Variants in DIS3L2 observed in about 807,000 individuals in gnomAD.
The protein encoded by DIS3L2 is DIS3 like 3'-5' exoribonuclease 2.
A neutral mutation model predicts 97.5 loss-of-function variants in DIS3L2; 34 were observed. The ratio of observed to expected loss-of-function variants is 0.35; its 90% CI spans 0.27 to 0.46. DIS3L2 has a LOEUF of 0.46. DIS3L2 is among the 20% of genes least tolerant of loss of function. The pLI, the probability that DIS3L2 is intolerant of heterozygous loss-of-function variation, is 1.00. For missense variants in DIS3L2, 1,038 were observed against 1,146.0 expected (o/e 0.91, Z 1.36); for synonymous variants, 435 against 445.2 (o/e 0.98, Z 0.29).
intron 6 of DIS3L2, 151 bp downstream of exon 6, chr2:232,087,872 A>G: frequency 3.2e-6 from 2 of 631,562 alleles, no homozygotes; most frequent in Non-Finnish European, 5.5e-6. Flanking sequence ...GATCTTTGAC[A>G]GGTTTAGCTG....
intron 5 of DIS3L2, among the ~76,000 whole-genome samples, chr2:232,033,058 A>G (rs1172397802): frequency 1.3e-5 from 2 of 152,172 alleles, no homozygotes; most frequent in African/African-American, 2.4e-5. Context: ...AATAGCATTG[A>G]ATCTAAATTA....
chr2:232,135,191 C>T (rs1026864279), intron 7 of DIS3L2, among the ~76,000 whole-genome samples: 1 of 152,118 alleles, frequency 6.6e-6, no homozygotes, highest in Non-Finnish European at 1.5e-5. Flanking sequence ...CTAAGTTACT[C>T]ACCTGGATGG....
rs79699885 is a variant in DIS3L2 at position 232,125,646 on chromosome 2, A to G, written c.602-4973A>G. Among the ~76,000 whole-genome samples the G allele has an allele frequency of 2.8e-3, 431 of 152,344 alleles. 1 individual carries two copies. The highest frequency in any genetic ancestry group is 4.7e-3 in the Non-Finnish European group (319 of 68,030). ...GGCATCATACATTTTCATTAGCTCT[A>G]TATCAGAGTGAAATTTGCTTAGGCC... On this transcript the variant is annotated intron_variant, in intron 6 of 20. Transcript: ENST00000325385.
chr2:232,341,029 A>G, downstream of DIS3L2: 1 of 440,926 alleles, frequency 2.3e-6, no homozygotes, highest in South Asian at 1.7e-5. Context: ...AAGTTCCTAG[A>G]GAGCAAAACA....
rs1216643186 is a variant in DIS3L2, at chr2:232,249,266, T to G, written c.1345T>G (p.Cys449Gly). 2 of 1,614,064 alleles carry G rather than the reference T, an allele frequency of 1.2e-6. No homozygotes were observed. Among genetic ancestry groups the G allele is most frequent in the African/African-American group, 2.7e-5 (2 of 74,942 alleles). The change falls in exon 12 of 21, where the codon TGT (cysteine) becomes GGT (glycine). Residue 449 changes from cysteine to glycine, a missense_variant. Coordinates refer to ENST00000325385, the MANE Select transcript of DIS3L2 (RefSeq NM_152383.5). Reference sequence around the variant, plus strand: ...GGTCCCCATGCTTCCCAGGCTGCTGTGTGAGGAGCTGTGCAGCCTCAACCC... The same window carrying G: ...GGTCCCCATGCTTCCCAGGCTGCTGGGTGAGGAGCTGTGCAGCCTCAACCC... ...KVVPMLPRLL[C>G]EELCSLNPMS...
chr2:232,089,554 C>CT (rs1362683911), intron 6 of DIS3L2, among the ~76,000 whole-genome samples: 3 of 152,194 alleles, frequency 2.0e-5, no homozygotes, highest in African/African-American at 4.8e-5. Flanking sequence ...AACCAGGACT[C>CT]TAAGTAGCCA....
At chr2:232,118,512 A>G (rs1213610056) in intron 6 of DIS3L2, among the ~76,000 whole-genome samples, 2 of 152,126 alleles carry the variant, frequency 1.3e-5, no homozygotes, top group Non-Finnish European at 2.9e-5. Flanking sequence ...TTTCTCATGT[A>G]ACCGTTTTTG....
intron 13 of DIS3L2, among the ~76,000 whole-genome samples, chr2:232,284,824 A>G (rs867695543): frequency 5.3e-5 from 8 of 152,308 alleles, no homozygotes; most frequent in Middle Eastern, 3.4e-3. Context: ...TATTAGAGGC[A>G]GTGCAGCTCA....
chr2:232,249,380 C>T (rs1693358587), intron 12 of DIS3L2, 34 bp downstream of exon 12: 1 of 1,599,790 alleles, frequency 6.3e-7, no homozygotes, highest in Non-Finnish European at 8.5e-7. Flanking sequence ...CTCCACTTAC[C>T]TCTTTTCTGT....
intron 14 of DIS3L2, among the ~76,000 whole-genome samples, chr2:232,322,590 G>C (rs879885349): frequency 1.1e-4 from 16 of 152,228 alleles, no homozygotes; most frequent in Admixed American, 1.0e-3. Flanking sequence ...TGGTGGCCCT[G>C]CTGAAGGGGA....
At chr2:232,035,125 G>C (rs921217788) in intron 5 of DIS3L2, among the ~76,000 whole-genome samples, 2 of 152,136 alleles carry the variant, frequency 1.3e-5, no homozygotes, top group Non-Finnish European at 2.9e-5. Flanking sequence ...ATTATTGTGT[G>C]GGAGTCTAAG....
intron 1 of DIS3L2, among the ~76,000 whole-genome samples, chr2:232,002,712 T>C (rs1693943336): frequency 6.6e-6 from 1 of 152,184 alleles, no homozygotes. Flanking sequence ...TTAAGTGAAG[T>C]GTTATTCCAC....
intron 13 of DIS3L2, among the ~76,000 whole-genome samples, chr2:232,266,120 G>A (rs1435360845): frequency 2.6e-5 from 4 of 152,214 alleles, no homozygotes; most frequent in African/African-American, 7.2e-5. Flanking sequence ...GTTGAATTAA[G>A]TATATGAAAT....
rs1574891722 is a variant in DIS3L2, at chr2:232,122,152, T to TTA, written c.602-8467_602-8466insTA. Among the ~76,000 whole-genome samples the TTA allele has an allele frequency of 2.0e-5, 3 of 152,294 alleles. No individual in the cohort carries two copies. The East Asian group carries it at 5.8e-4, about 29-fold the overall frequency. On this transcript the variant is annotated intron_variant, in intron 6 of 20. Transcript: ENST00000325385. ...CTCTGCCTATCTATGTAGTACCTTC[T>TTA]CTTGTTCCTCCTTACTCTGCACAGC... is the stretch of plus-strand genomic sequence containing the variant.
At chr2:232,068,990 T>C (rs1439415530) in intron 5 of DIS3L2, among the ~76,000 whole-genome samples, 1 of 152,038 alleles carries the variant, frequency 6.6e-6, no homozygotes, top group Non-Finnish European at 1.5e-5. Context: ...CTAATTTTTA[T>C]ATTTGTATTA....
intron 1 of DIS3L2, among the ~76,000 whole-genome samples, chr2:231,970,090 C>A (rs949402815): frequency 5.9e-5 from 9 of 152,000 alleles, no homozygotes; most frequent in African/African-American, 1.9e-4. Context: ...GGACCACATA[C>A]TACACCTGGC....
intron 8 of DIS3L2, among the ~76,000 whole-genome samples, chr2:232,142,541 C>T (rs1690090115): frequency 6.6e-6 from 1 of 152,122 alleles, no homozygotes; most frequent in Non-Finnish European, 1.5e-5. Flanking sequence ...TTTCAGCTTC[C>T]TCTTTGCTTT....
chr2:232,308,606 T>A (rs913844194), intron 14 of DIS3L2, among the ~76,000 whole-genome samples: 1 of 152,178 alleles, frequency 6.6e-6, no homozygotes, highest in Non-Finnish European at 1.5e-5. Flanking sequence ...GCCGCATTCA[T>A]GAGCCTGCCT....
At chr2:232,048,400 C>T (rs1695302966) in intron 5 of DIS3L2, among the ~76,000 whole-genome samples, 1 of 151,874 alleles carries the variant, frequency 6.6e-6, no homozygotes, top group African/African-American at 2.4e-5. Flanking sequence ...TCTGGAGCAT[C>T]AAAAGTTCTC....
Sources: gnomAD v4.1 joint callset for allele counts (sites outside exome capture counted in the v4.1 genomes callset) on GRCh38, gnomAD v4.1.1 for gene constraint, MANE v1.5 for transcripts, NCBI Gene and HGNC (gene_info 2026-07-23, HGNC 2026-07-21) for gene names.